Variants in WWOX observed in about 807,000 individuals in gnomAD.
WWOX encodes the protein WW domain containing oxidoreductase.
In WWOX, 69 loss-of-function variants were observed where a neutral mutation model predicts 46.2. That is an observed-to-expected ratio of 1.49 (90% CI 1.23 to 1.82). WWOX has a LOEUF of 1.82. Among genes scored for constraint, WWOX ranks in the 40% most tolerant of loss-of-function variants. The pLI, the probability that WWOX is intolerant of heterozygous loss-of-function variation, is 0.00. For synonymous variants in WWOX, 359 were observed against 202.6 expected (o/e 1.77, Z -6.56); for missense variants, 919 against 542.6 (o/e 1.69, Z -6.89).
At chr16:79,077,384 G>A (rs981626614) in intron 8 of WWOX, 2 of 152,112 alleles carry the variant, frequency 1.3e-5, no homozygotes, top group African/African-American at 4.8e-5. Context: ...GACAATGTGT[G>A]GATTAAAAAA....
At chr16:78,867,586 G>A (rs2044033343) in intron 8 of WWOX, among the ~76,000 whole-genome samples, 1 of 151,566 alleles carries the variant, frequency 6.6e-6, no homozygotes, top group Non-Finnish European at 1.5e-5. Flanking sequence ...TTTCACCCAG[G>A]CTGGAGTGCC....
chr16:78,792,061 C>T (rs565630113), intron 8 of WWOX, among the ~76,000 whole-genome samples: 5 of 152,140 alleles, frequency 3.3e-5, no homozygotes, highest in Non-Finnish European at 5.9e-5. Flanking sequence ...CAGCTTAGCC[C>T]TGTCCCTGGT....
At chr16:78,796,521 T>C (rs2050742188) in intron 8 of WWOX, among the ~76,000 whole-genome samples, 1 of 152,226 alleles carries the variant, frequency 6.6e-6, no homozygotes, top group African/African-American at 2.4e-5. Flanking sequence ...AAGAGAAATG[T>C]TTTCAGTGAA....
intron 8 of WWOX, among the ~76,000 whole-genome samples, chr16:79,169,055 C>T (rs1043458878): frequency 1.3e-5 from 2 of 152,142 alleles, no homozygotes; most frequent in South Asian, 2.1e-4. Context: ...CAAATTAATA[C>T]GGGCAAGGCG....
intron 5 of WWOX, among the ~76,000 whole-genome samples, chr16:78,334,802 A>G (rs1389237381): frequency 3.5e-5 from 2 of 56,696 alleles, no homozygotes; most frequent in Admixed American, 2.3e-4. Flanking sequence ...CCACACACAC[A>G]CACACGCACA....
chr16:78,487,086 A>G (rs2084656798), intron 8 of WWOX, among the ~76,000 whole-genome samples: 2 of 152,216 alleles, frequency 1.3e-5, no homozygotes, highest in Non-Finnish European at 2.9e-5. Flanking sequence ...ATTAAGGACA[A>G]CAGTATTTTG....
intron 8 of WWOX, among the ~76,000 whole-genome samples, chr16:78,963,433 C>T (rs2046308703): frequency 6.6e-6 from 1 of 152,126 alleles, no homozygotes; most frequent in Non-Finnish European, 1.5e-5. Flanking sequence ...TACACTGCTG[C>T]ACTCAACTTG....
At chr16:78,949,368 A>G (rs1205791221) in intron 8 of WWOX, among the ~76,000 whole-genome samples, 1 of 152,126 alleles carries the variant, frequency 6.6e-6, no homozygotes, top group East Asian at 1.9e-4. Flanking sequence ...ATACACTGTC[A>G]TGGGGCCTTC....
At chr16:79,007,356 G>A (rs972080534) in intron 8 of WWOX, among the ~76,000 whole-genome samples, 1 of 152,192 alleles carries the variant, frequency 6.6e-6, no homozygotes. Context: ...TGAAGAACTG[G>A]AAAGGTGTTC....
intron 8 of WWOX, among the ~76,000 whole-genome samples, chr16:78,979,480 A>G (rs1294258695): frequency 1.3e-5 from 2 of 152,172 alleles, no homozygotes; most frequent in Non-Finnish European, 2.9e-5. Flanking sequence ...TGGCCACTGC[A>G]TGATTTTGCT....
chr16:78,458,172 T>C (rs191070353), intron 8 of WWOX, among the ~76,000 whole-genome samples: 1 of 152,214 alleles, frequency 6.6e-6, no homozygotes, highest in African/African-American at 2.4e-5. Flanking sequence ...TTCCATGATT[T>C]TGTCGAACTT....
At chr16:79,042,579 T>C (rs2047992200) in intron 8 of WWOX, among the ~76,000 whole-genome samples, 2 of 152,218 alleles carry the variant, frequency 1.3e-5, no homozygotes, top group Admixed American at 6.5e-5. Context: ...AGGGTTATAA[T>C]GCAGCATGGA....
chr16:78,971,195 C>G (rs1210380069), intron 8 of WWOX, among the ~76,000 whole-genome samples: 2 of 151,948 alleles, frequency 1.3e-5, no homozygotes, highest in East Asian at 1.9e-4. Context: ...GCACGGTGGC[C>G]TACACCTGTA....
chr16:78,119,886 T>A (rs748361617), intron 4 of WWOX, among the ~76,000 whole-genome samples: 13 of 152,208 alleles, frequency 8.5e-5, no homozygotes, highest in Non-Finnish European at 1.8e-4. Flanking sequence ...TTTAAAATTT[T>A]TTTCAGAGTT....
intron 8 of WWOX, among the ~76,000 whole-genome samples, chr16:78,951,175 C>A (rs557572585): frequency 6.6e-6 from 1 of 152,202 alleles, no homozygotes; most frequent in East Asian, 1.9e-4. Flanking sequence ...GTGGATCTGG[C>A]GTGGCTGGAT....
chr16:78,841,024 C>G (rs2052128409), intron 8 of WWOX, among the ~76,000 whole-genome samples: 1 of 152,030 alleles, frequency 6.6e-6, no homozygotes, highest in Non-Finnish European at 1.5e-5. Flanking sequence ...CCTGTGATGC[C>G]ATAGGCAGTC....
chr16:78,215,203 A>G lies in WWOX; in HGVS notation c.516+50914A>G, dbSNP rs1330581161. Among the ~76,000 whole-genome samples the G allele has an allele frequency of 3.9e-5, 6 of 152,334 alleles. No homozygotes were observed. In the South Asian group the frequency reaches 1.2e-3, roughly 32 times the overall value. On this transcript the variant is annotated intron_variant, in intron 5 of 8. Coordinates refer to ENST00000566780, the MANE Select transcript of WWOX (RefSeq NM_016373.4). ...TTCTTCCCCATATCAAGCACCTGCT[A>G]TGTATCAGGTGTTGTGCTCACGTGG...
intron 8 of WWOX, among the ~76,000 whole-genome samples, chr16:79,008,544 C>A (rs1228875349): frequency 6.6e-6 from 1 of 152,128 alleles, no homozygotes; most frequent in Non-Finnish European, 1.5e-5. Flanking sequence ...CATCTTGAAT[C>A]CTGACTACCA....
intron 8 of WWOX, among the ~76,000 whole-genome samples, chr16:78,720,011 A>T (rs1050587020): frequency 2.6e-5 from 4 of 152,350 alleles, no homozygotes; most frequent in African/African-American, 9.6e-5. Flanking sequence ...GATAATTTAC[A>T]TATAAAAGCG....
Sources: gnomAD v4.1 joint callset for allele counts (sites outside exome capture counted in the v4.1 genomes callset) on GRCh38, gnomAD v4.1.1 for gene constraint, MANE v1.5 for transcripts, NCBI Gene and HGNC (gene_info 2026-07-23, HGNC 2026-07-21) for gene names.